GRB10: variants seen among roughly 807,000 people sequenced by gnomAD.
GRB10 encodes the protein growth factor receptor-bound protein 10.
GRB10 carries 20 observed loss-of-function variants against 80.9 expected under a neutral mutation model. That is an observed-to-expected ratio of 0.25 (90% CI 0.17 to 0.36). GRB10 has a LOEUF of 0.36. GRB10 is among the 10% of genes least tolerant of loss of function. GRB10 has a pLI of 1.00. For missense variants in GRB10, 548 were observed against 747.7 expected (o/e 0.73, Z 3.12); for synonymous variants, 291 against 291.5 (o/e 1.00, Z 0.02).
Position 50,792,614 on chromosome 7 carries a change from G to GC in GRB10, c.-294+609dup, listed in dbSNP as rs2078976120. ...CCGCGAGCCCTCAACTTGGTGTTAG[G>GC]CCCCAGCGGCGGCTAACGGGTCACC... On this transcript the variant is annotated intron_variant, in intron 1 of 16. Transcript: ENST00000335866. 7.5e-6 allele frequency: 3 copies of GC among 397,636 alleles called. No homozygotes were observed. The East Asian group carries it at 1.1e-4, about 14-fold the overall frequency. 24.6% of individuals were successfully genotyped at this position (397,636 alleles called of 1,614,324 possible). A position where few individuals can be genotyped will look rare whatever the true frequency, so the allele number is the denominator to read the frequency against.
intron 7 of GRB10, among the ~76,000 whole-genome samples, chr7:50,661,019 C>A (rs2059214285): frequency 6.6e-6 from 1 of 152,198 alleles, no homozygotes. Flanking sequence ...CAGGGCTTGC[C>A]AGCGGGTGGA....
At chr7:50,737,826 C>T (rs1019282502) in intron 3 of GRB10, among the ~76,000 whole-genome samples, 5 of 152,076 alleles carry the variant, frequency 3.3e-5, no homozygotes, top group East Asian at 1.9e-4. Context: ...CCAGCCTGGG[C>T]GACAAGAGCA....
chr7:50,591,483 C>T lies in GRB10; in HGVS notation c.*1469G>A, dbSNP rs964058991. ...TGAAAAAGGAAATCATTCTGCTCAC[C>T]ACAGTAGTTTGTCGCCTGTCAAAGG... On this transcript the variant is annotated 3_prime_UTR_variant, in exon 19 of 19. Coordinates refer to ENST00000401949, the MANE Select transcript of GRB10 (RefSeq NM_001350814.2). 1 of 152,252 alleles carries T rather than the reference C, an allele frequency of 6.6e-6. No homozygotes were observed. The highest frequency in any genetic ancestry group is 6.5e-5 in the Admixed American group (1 of 15,288). The allele number at this position is 152,252 out of a possible 1,614,324, so 9.4% of individuals were successfully genotyped here.
chr7:50,710,083 T>C (rs2065659406), intron 4 of GRB10, among the ~76,000 whole-genome samples: 1 of 152,070 alleles, frequency 6.6e-6, no homozygotes, highest in Non-Finnish European at 1.5e-5. Context: ...GCTCATCCCT[T>C]TGGCACTTTC....
intron 17 of GRB10, among the ~76,000 whole-genome samples, chr7:50,603,069 T>A (rs1354497357): frequency 6.6e-6 from 1 of 152,218 alleles, no homozygotes; most frequent in Non-Finnish European, 1.5e-5. Context: ...AAACTTTTTG[T>A]AAAACGAAGG....
At chr7:50,770,976 G>C (rs1188521524) in intron 2 of GRB10, among the ~76,000 whole-genome samples, 1 of 152,070 alleles carries the variant, frequency 6.6e-6, no homozygotes, top group Admixed American at 6.6e-5. Flanking sequence ...ACCCAGCCCT[G>C]GGGGTGCTCC....
chr7:50,752,030 A>G (rs1312692008), intron 3 of GRB10, among the ~76,000 whole-genome samples: 1 of 152,238 alleles, frequency 6.6e-6, no homozygotes, highest in Non-Finnish European at 1.5e-5. Flanking sequence ...CAAGGATGCC[A>G]AGGGGCATGA....
intron 2 of GRB10, among the ~76,000 whole-genome samples, chr7:50,767,705 A>G (rs2076507911): frequency 6.6e-6 from 1 of 152,134 alleles, no homozygotes; most frequent in Non-Finnish European, 1.5e-5. Flanking sequence ...CAGTTCTTAC[A>G]TCGTCCTATC....
chr7:50,718,024 G>T (rs899802177), intron 4 of GRB10, among the ~76,000 whole-genome samples: 1 of 152,256 alleles, frequency 6.6e-6, no homozygotes, highest in East Asian at 1.9e-4. Flanking sequence ...TGGGCGCCCA[G>T]CAAAGGGAGG....
chr7:50,639,755 G>A (rs1049750381), intron 7 of GRB10, among the ~76,000 whole-genome samples: 2 of 152,118 alleles, frequency 1.3e-5, no homozygotes, highest in African/African-American at 4.8e-5. Context: ...CTGGCTAAGG[G>A]GGTGGACAAC....
rs534332621 is a variant in GRB10 at position 50,630,535 on chromosome 7, C to T, written c.505-3557G>A. ...CAGCTGAAGGCCTGTGGACAACCAC[C>T]GAAGGGTGCAGGGGCAGGACCCTGA... On this transcript the variant is annotated intron_variant, in intron 7 of 18. Transcript: ENST00000401949. 7.2e-5 allele frequency among the ~76,000 whole-genome samples: 11 copies of T among 152,130 alleles called. No individual in the cohort carries two copies. In the South Asian group the frequency reaches 1.4e-3, roughly 20 times the overall value.
chr7:50,742,375 A>C (rs2072032201), intron 3 of GRB10, among the ~76,000 whole-genome samples: 1 of 152,144 alleles, frequency 6.6e-6, no homozygotes, highest in African/African-American at 2.4e-5. Flanking sequence ...ATGAAGGCCA[A>C]GGGCTGGTGA....
At chr7:50,742,231 A>C (rs2071891595) in intron 3 of GRB10, among the ~76,000 whole-genome samples, 2 of 151,766 alleles carry the variant, frequency 1.3e-5, no homozygotes, top group South Asian at 4.2e-4. Flanking sequence ...AGTGCTTTTT[A>C]TGTATTTGTC....
intron 5 of GRB10, among the ~76,000 whole-genome samples, chr7:50,693,714 A>G (rs2063096689): frequency 6.6e-6 from 1 of 152,102 alleles, no homozygotes; most frequent in Non-Finnish European, 1.5e-5. Flanking sequence ...CAGACGGAAC[A>G]AAGGCATGAT....
intron 5 of GRB10, among the ~76,000 whole-genome samples, chr7:50,684,955 C>T (rs759412228): frequency 2.0e-5 from 3 of 152,098 alleles, no homozygotes; most frequent in Non-Finnish European, 4.4e-5. Context: ...AAAATATTAG[C>T]CCGAGAACAC....
At chr7:50,778,510 G>C (rs1246936611) in intron 2 of GRB10, among the ~76,000 whole-genome samples, 1 of 152,098 alleles carries the variant, frequency 6.6e-6, no homozygotes, top group Non-Finnish European at 1.5e-5. Context: ...TTTTCAAAAG[G>C]TGGCATTAAG....
chr7:50,636,534 T>C (rs941958217), intron 7 of GRB10, among the ~76,000 whole-genome samples: 1 of 152,130 alleles, frequency 6.6e-6, no homozygotes, highest in African/African-American at 2.4e-5. Context: ...TAATACATCA[T>C]GATCAAGTGG....
At chr7:50,643,381 G>A (rs1161415324) in intron 7 of GRB10, among the ~76,000 whole-genome samples, 1 of 152,172 alleles carries the variant, frequency 6.6e-6, no homozygotes, top group Non-Finnish European at 1.5e-5. Flanking sequence ...CTGTGGACCA[G>A]ATGGGACTCC....
chr7:50,627,762 C>T lies in GRB10; in HGVS notation c.505-784G>A, dbSNP rs142021565. Among the ~76,000 whole-genome samples the T allele has an allele frequency of 1.5e-3, 221 of 152,330 alleles. 1 individual carries two copies. The highest frequency in any genetic ancestry group is 2.3e-3 in the Non-Finnish European group (158 of 68,038). On this transcript the variant is annotated intron_variant, in intron 7 of 18. Transcript: ENST00000401949. ...CGAGGTGTGTTTAACAAATCCTTACCTCGACAGCCCGGAAAAAGCAGTCAG... is the reference window on the plus strand; with the variant it reads ...CGAGGTGTGTTTAACAAATCCTTACTTCGACAGCCCGGAAAAAGCAGTCAG...
Sources: allele counts gnomAD v4.1 joint callset (sites outside exome capture counted in the v4.1 genomes callset), GRCh38; gene constraint gnomAD v4.1.1; transcripts MANE v1.5; gene names NCBI Gene and HGNC (gene_info 2026-07-23, HGNC 2026-07-21).